The following EML2 variants were observed in gnomAD, a reference collection of about 807,000 sequenced individuals.
EML2 encodes the protein EMAP like 2.
EML2 carries 59 observed loss-of-function variants against 84.7 expected under a neutral mutation model. The ratio of observed to expected loss-of-function variants is 0.70; its 90% CI spans 0.56 to 0.86. The LOEUF (loss-of-function observed/expected upper bound fraction) is 0.86, where lower values mean the gene tolerates loss of function less well. EML2 is among the 40% of genes least tolerant of loss of function. EML2 has a pLI of 0.00. For missense variants in EML2, 818 were observed against 855.6 expected, an observed-to-expected ratio of 0.96 and a Z score of 0.55; for synonymous variants, 352 against 348.9, an observed-to-expected ratio of 1.01 and a Z score of -0.10.
At chr19:45,628,966 A>G (rs535954137) in intron 7 of EML2, among the ~76,000 whole-genome samples, 1 of 152,252 alleles carries the variant, frequency 6.6e-6, no homozygotes, top group South Asian at 2.1e-4. Context: ...TCCTTAAAAT[A>G]GGCCACCTCT....
Position 45,633,079 on chromosome 19 carries a change from C to G in EML2, c.390G>C (p.Lys130Asn), listed in dbSNP as rs2122758784. ...IATGQVAGTT[K>N]EGKPLPPHVR... The stretch of plus-strand genomic sequence containing the variant: ...CCCTCCCTTCCATTACCTTCCCTTC[C>G]TTAGTGGTTCCCGCCACCTGTCCCG... The change falls in exon 5 of 19, where the codon AAG becomes AAC. Residue 130 changes from lysine (K) to asparagine (N), a missense_variant. Lys to Asn is a moderately conservative substitution (Grantham distance 94). Coordinates refer to ENST00000245925, the MANE Select transcript of EML2 (RefSeq NM_012155.4). The G allele has an allele frequency of 6.3e-7, 1 of 1,592,998 alleles. No individual in the cohort carries two copies. Among genetic ancestry groups the G allele is most frequent in the South Asian group, 1.1e-5 (1 of 88,034 alleles).
intron 13 of EML2, 93 bp downstream of exon 13, chr19:45,617,535 TAA>T (rs1971233485): frequency 5.1e-6 from 6 of 1,168,572 alleles, no homozygotes; most frequent in Non-Finnish European, 7.4e-6. Flanking sequence ...CAGGGCTCGG[TAA>T]ATAGTGGGAT....
chr19:45,616,875 G>A, intron 13 of EML2, 22 bp from the exon 14 acceptor site: 1 of 1,573,680 alleles, frequency 6.4e-7, no homozygotes, highest in Non-Finnish European at 8.7e-7. Context: ...GGGCGTGGTG[G>A]GGGGAGGAGG....
Position 45,626,843 on chromosome 19 carries a change from TG to T in EML2, c.607-5del. ...CCAATACAGCCTCATTGGAGCACTT[TG>T]GGGGGTGGGGGAGATTCTGAATGAG... is the stretch of plus-strand genomic sequence containing the variant. On this transcript the variant is annotated splice_region_variant and splice_polypyrimidine_tract_variant and intron_variant, in intron 7 of 18. Transcript: ENST00000245925. 3 of 1,604,310 alleles carry T rather than the reference TG, an allele frequency of 1.9e-6. No individual in the cohort carries two copies. Among genetic ancestry groups the T allele is most frequent in the Middle Eastern group, 1.7e-4 (1 of 6,026 alleles).
intron 1 of EML2, 135 bp from the exon 2 acceptor site, chr19:45,639,008 C>T: frequency 9.6e-7 from 1 of 1,036,610 alleles, no homozygotes; most frequent in South Asian, 1.3e-5. Flanking sequence ...AGAGCGCTGC[C>T]TCTCTGCAGG....
rs1568461582 is a variant in EML2 at position 45,626,725 on chromosome 19, T to G, written c.721A>C (p.Lys241Gln). Residue 241 changes from lysine to glutamine, a missense_variant, in exon 8 of 19, where the codon AAG becomes CAG. By Grantham distance (53) the Lys-to-Gln change is moderately conservative. Coordinates refer to ENST00000245925, the MANE Select transcript of EML2 (RefSeq NM_012155.4). ...CTCACCTCAAAGAGGCCTTGCCGCTTGCTCAAGCTGCCCCCCTCCAAGGTC... is the reference window on the plus strand; with the variant it reads ...CTCACCTCAAAGAGGCCTTGCCGCTGGCTCAAGCTGCCCCCCTCCAAGGTC... ...FWTLEGGSLS[K>Q]RQGLFEKHEK... 1.2e-6 allele frequency: 2 copies of G among 1,613,680 alleles called. No homozygotes were observed. The highest frequency in any genetic ancestry group is 8.5e-7 in the Non-Finnish European group (1 of 1,179,808).
chr19:45,614,583 C>A (rs749846144), intron 17 of EML2, 22 bp downstream of exon 17: 8 of 1,601,690 alleles, frequency 5.0e-6, no homozygotes, highest in Admixed American at 1.7e-5. Context: ...CTCAGTGAGA[C>A]CTCTCTCATT....
intron 3 of EML2, among the ~76,000 whole-genome samples, chr19:45,636,835 T>TA (rs1215502731): frequency 6.6e-6 from 1 of 152,368 alleles, no homozygotes; most frequent in Non-Finnish European, 1.5e-5. Flanking sequence ...GCCACCCAGC[T>TA]ACTGTAGTGG....
At chr19:45,623,841 G>A (rs538336477) in intron 9 of EML2, among the ~76,000 whole-genome samples, 1 of 152,182 alleles carries the variant, frequency 6.6e-6, no homozygotes, top group Admixed American at 6.5e-5. Context: ...GTGAGCCACC[G>A]CACCCAGCCT....
At chr19:45,616,961 C>A in intron 13 of EML2, 108 bp from the exon 14 acceptor site, 1 of 806,324 alleles carries the variant, frequency 1.2e-6, no homozygotes, top group East Asian at 2.7e-5. Flanking sequence ...CAGAAGTGAC[C>A]TGGGCTGGGC....
upstream of EML2, chr19:45,643,661 G>A (rs2122857247): frequency 6.5e-7 from 1 of 1,536,066 alleles, no homozygotes; most frequent in Non-Finnish European, 8.7e-7. Context: ...ACGGGGACAG[G>A]GCGTGGAGCT....
intron 12 of EML2, among the ~76,000 whole-genome samples, chr19:45,618,061 T>A (rs1165621344): frequency 6.6e-6 from 1 of 152,096 alleles, no homozygotes; most frequent in Non-Finnish European, 1.5e-5. Flanking sequence ...TTTTATTTTT[T>A]AAATTTTTAT....
chr19:45,612,672 C>G (rs1970616471), intron 18 of EML2, among the ~76,000 whole-genome samples: 1 of 151,748 alleles, frequency 6.6e-6, no homozygotes, highest in Admixed American at 6.6e-5. Context: ...GAGTGAGACC[C>G]TGTCTCAAAA....
At chr19:45,616,182 G>A (rs1286659248) in intron 15 of EML2, 1 of 562,964 alleles carries the variant, frequency 1.8e-6, no homozygotes, top group Non-Finnish European at 3.2e-6. Flanking sequence ...TGAGGGGCGG[G>A]GCTACACAGA....
chr19:45,633,103 C>A lies in EML2; in HGVS notation c.366G>T (p.Thr122=). The stretch of plus-strand genomic sequence containing the variant: ...CCTTAGTGGTTCCCGCCACCTGTCC[C>A]GTGGCGATGGTGACCATATCTGGGT... ...AIHPDMVTIA[T]GQVAGTTKEG... is the part of the protein sequence containing the mutation. The change falls in exon 5 of 19, where the codon ACG becomes ACT. Residue 122 remains threonine, a synonymous_variant. Transcript: ENST00000245925. 6.2e-7 allele frequency: 1 copy of A among 1,600,826 alleles called. No homozygotes were observed. The highest frequency in any genetic ancestry group is 8.5e-7 in the Non-Finnish European group (1 of 1,174,200).
rs1301220567 is a variant in EML2 at position 45,621,230 on chromosome 19, T to A, written c.1099A>T (p.Thr367Ser). 6.2e-7 allele frequency: 1 copy of A among 1,613,912 alleles called. No individual in the cohort carries two copies. The highest frequency in any genetic ancestry group is 1.7e-5 in the Admixed American group (1 of 60,012). Residue 367 changes from threonine (T) to serine (S), a missense_variant, in exon 11 of 19, where the codon ACA becomes TCA. Transcript: ENST00000245925. ...ACCTGGACCAGCAGTGAGAAGCCTG[T>A]GTGCACGGAGCCCTGCAGGATGGAA... ...RNSILQGSVH[T>S]GFSLLVQGHV...
intron 15 of EML2, 54 bp downstream of exon 15, chr19:45,616,407 T>C: frequency 1.4e-6 from 2 of 1,408,352 alleles, no homozygotes; most frequent in South Asian, 2.5e-5. Context: ...ATTGGTTAAT[T>C]TTGCACCCCC....
chr19:45,638,522 C>T lies in EML2; in HGVS notation c.162G>A (p.Arg54=), dbSNP rs1974044205. 1.9e-6 allele frequency: 3 copies of T among 1,613,936 alleles called. No individual in the cohort carries two copies. Among genetic ancestry groups the T allele is most frequent in the Non-Finnish European group, 1.7e-6 (2 of 1,180,038 alleles). The part of the protein sequence containing the change: ...LDTRSELPSC[R]LKLEWVYGYR... The stretch of plus-strand genomic sequence containing the variant: ...AAGGATACACCCACTCCAGCTTGAG[C>T]CGGCAAGAAGGCAGCTCCGAGCGTG... Residue 54 remains arginine, a synonymous_variant, in exon 3 of 19, where the codon CGG becomes CGA. Coordinates refer to ENST00000245925, the MANE Select transcript of EML2 (RefSeq NM_012155.4).
intron 9 of EML2, among the ~76,000 whole-genome samples, chr19:45,621,962 C>A (rs560124652): frequency 6.6e-6 from 1 of 152,062 alleles, no homozygotes; most frequent in East Asian, 1.9e-4. Flanking sequence ...AGGCTGGTCT[C>A]GAACTCCTGA....
Sources: gnomAD v4.1 joint callset for allele counts (sites outside exome capture counted in the v4.1 genomes callset) on GRCh38, gnomAD v4.1.1 for gene constraint, MANE v1.5 for transcripts, NCBI Gene and HGNC (gene_info 2026-07-23, HGNC 2026-07-21) for gene names.